Variants in BAZ2B observed in about 807,000 individuals in gnomAD.
BAZ2B encodes the protein bromodomain adjacent to zinc finger domain protein 2B.
In BAZ2B, 91 loss-of-function variants were observed where a neutral mutation model predicts 246.0. The observed-to-expected ratio is 0.37, with a 90% CI of 0.31 to 0.44. The LOEUF (loss-of-function observed/expected upper bound fraction) is 0.44. Among genes scored for constraint, BAZ2B ranks in the 20% least tolerant of loss-of-function variants. The pLI is 1.00. For missense variants in BAZ2B, 2,332 were observed against 2,533.7 expected (o/e 0.92, Z 1.71); for synonymous variants, 855 against 860.0 (o/e 0.99, Z 0.10).
At chr2:159,566,321 A>T (rs1037822138) in intron 1 of BAZ2B, among the ~76,000 whole-genome samples, 1 of 152,136 alleles carries the variant, frequency 6.6e-6, no homozygotes, top group East Asian at 1.9e-4. Context: ...ATGTTGACAT[A>T]TCTTATGATG....
At chr2:159,591,397 G>A (rs1689358035) in intron 1 of BAZ2B, among the ~76,000 whole-genome samples, 2 of 152,148 alleles carry the variant, frequency 1.3e-5, no homozygotes, top group African/African-American at 4.8e-5. Context: ...CAGTTGCTGG[G>A]TTTCTTGCCA....
Position 159,348,847 on chromosome 2 carries a change from A to C in BAZ2B, c.5138-14T>G, listed in dbSNP as rs2058256538. 6.3e-7 allele frequency: 1 copy of C among 1,581,718 alleles called. No individual in the cohort carries two copies. On this transcript the variant is annotated splice_polypyrimidine_tract_variant and intron_variant, in intron 29 of 36. Coordinates refer to ENST00000392783, the MANE Select transcript of BAZ2B (RefSeq NM_013450.4). ...CAAACTGCATTTCTAAGTCAAGATA[A>C]ATAAGTAGAACTTTTACAAATATTT...
chr2:159,338,310 G>T (rs1350094649), intron 31 of BAZ2B, among the ~76,000 whole-genome samples: 2 of 152,166 alleles, frequency 1.3e-5, no homozygotes, highest in African/African-American at 4.8e-5. Flanking sequence ...AAAGGATCCT[G>T]ATAGGAATCC....
intron 2 of BAZ2B, among the ~76,000 whole-genome samples, chr2:159,552,400 C>A (rs952875412): frequency 1.3e-5 from 2 of 152,036 alleles, no homozygotes; most frequent in Admixed American, 1.3e-4. Context: ...AGATTTCACG[C>A]CCATTGGTGT....
intron 2 of BAZ2B, among the ~76,000 whole-genome samples, chr2:159,545,211 A>G (rs1254894436): frequency 6.6e-6 from 1 of 152,064 alleles, no homozygotes; most frequent in Non-Finnish European, 1.5e-5. Context: ...CTGCCTCTCC[A>G]CTTCCCTGAT....
At chr2:159,598,572 G>A (rs1183263718) in intron 1 of BAZ2B, among the ~76,000 whole-genome samples, 1 of 152,100 alleles carries the variant, frequency 6.6e-6, no homozygotes, top group Non-Finnish European at 1.5e-5. Context: ...AATTACAGAC[G>A]GGTGTGGTGG....
chr2:159,577,156 G>A (rs186747859), intron 1 of BAZ2B, among the ~76,000 whole-genome samples: 9 of 151,674 alleles, frequency 5.9e-5, no homozygotes, highest in East Asian at 1.9e-4. Flanking sequence ...TGAGCCCAGG[G>A]GGTCAAGGCT....
chr2:159,559,379 G>A (rs552339323), intron 1 of BAZ2B, among the ~76,000 whole-genome samples: 1 of 152,304 alleles, frequency 6.6e-6, no homozygotes, highest in South Asian at 2.1e-4. Flanking sequence ...GATGGTAACA[G>A]AGTCAATACA....
chr2:159,704,972 G>A, the BAZ2B span, among the ~76,000 whole-genome samples: 1 of 151,458 alleles, frequency 6.6e-6, no homozygotes, highest in Non-Finnish European at 1.5e-5. Flanking sequence ...AAAGTGATGG[G>A]ATTACGAGCC....
At chr2:159,579,378 G>A (rs1465605334) in intron 1 of BAZ2B, among the ~76,000 whole-genome samples, 2 of 152,154 alleles carry the variant, frequency 1.3e-5, no homozygotes, top group East Asian at 3.8e-4. Flanking sequence ...AAACCAGGAA[G>A]AAGTTGAATC....
At chr2:159,562,401 G>T (rs1039951008) in intron 1 of BAZ2B, among the ~76,000 whole-genome samples, 1 of 152,140 alleles carries the variant, frequency 6.6e-6, no homozygotes, top group Non-Finnish European at 1.5e-5. Flanking sequence ...CACATAAGCT[G>T]CCTGTTTTTC....
At chr2:159,528,277 T>A (rs2084967368) in intron 2 of BAZ2B, among the ~76,000 whole-genome samples, 1 of 152,052 alleles carries the variant, frequency 6.6e-6, no homozygotes, top group Admixed American at 6.6e-5. Context: ...AGGTGAGACA[T>A]GATGCAAATC....
At chr2:159,413,663 G>A (rs1420107139) in intron 13 of BAZ2B, among the ~76,000 whole-genome samples, 3 of 152,030 alleles carry the variant, frequency 2.0e-5, no homozygotes, top group Non-Finnish European at 4.4e-5. Context: ...AGCCGAGATC[G>A]CACCATTGCA....
intron 34 of BAZ2B, among the ~76,000 whole-genome samples, chr2:159,331,019 G>T (rs2064655452): frequency 6.6e-6 from 1 of 152,164 alleles, no homozygotes; most frequent in South Asian, 2.1e-4. Context: ...AGATGGGAGA[G>T]ATAGCAGCAC....
intron 2 of BAZ2B, among the ~76,000 whole-genome samples, chr2:159,521,883 C>T (rs2084173319): frequency 6.6e-6 from 1 of 151,820 alleles, no homozygotes; most frequent in African/African-American, 2.4e-5. Flanking sequence ...TATGTGAAAA[C>T]TTTAATTGCA....
At chr2:159,394,328 G>A (rs1398620601) in intron 20 of BAZ2B, among the ~76,000 whole-genome samples, 2 of 151,974 alleles carry the variant, frequency 1.3e-5, no homozygotes, top group Non-Finnish European at 2.9e-5. Flanking sequence ...TTCCATAAGC[G>A]AATAGAGAGC....
chr2:159,349,847 T>C lies in BAZ2B; in HGVS notation c.4724A>G (p.His1575Arg). The C allele has an allele frequency of 6.2e-7, 1 of 1,614,170 alleles. No individual in the cohort carries two copies. The highest frequency in any genetic ancestry group is 2.2e-5 in the East Asian group (1 of 44,894). The change falls in exon 28 of 37, where the codon CAT becomes CGT. Residue 1575 changes from histidine (H) to arginine (R), a missense_variant. His to Arg is a conservative substitution (Grantham distance 29). This residue lies in a region of BAZ2B where 676 missense variants were observed against 668.6 expected (regional missense o/e 1.01). Transcript: ENST00000392783. ...CAAAGAAGCAGTTGACATATCGGCA[T>C]GAGTAAGTGAAGTGTCATCACAGGG... Reference protein sequence around the residue: ...RTPCDDTSLTHADMSTASLVT... With the variant: ...RTPCDDTSLTRADMSTASLVT...
At position 159,427,976 on chromosome 2, in the gene BAZ2B, C is replaced by T; in HGVS notation, c.2431G>A (p.Val811Met). ...DNFSFSAKIR[V>M]GDFYEARDGP... The stretch of plus-strand genomic sequence containing the variant: ...TCTCTGGCTTCATAGAAGTCACCCA[C>T]TCTTATTTTTGCACTGAAGCTGAAA... The change falls in exon 13 of 37, where the codon GTG becomes ATG. Residue 811 changes from valine to methionine, a missense_variant. Around this residue, in one of 9 missense-constraint regions of BAZ2B, gnomAD observed 651 missense variants for 650.9 expected, o/e 1.00. Transcript: ENST00000392783. 1 of 1,613,498 alleles carries T rather than the reference C, an allele frequency of 6.2e-7. No individual in the cohort carries two copies. The highest frequency in any genetic ancestry group is 8.5e-7 in the Non-Finnish European group (1 of 1,179,526).
At chr2:159,356,416 G>A (rs1039162171) in intron 27 of BAZ2B, among the ~76,000 whole-genome samples, 3 of 152,210 alleles carry the variant, frequency 2.0e-5, no homozygotes, top group South Asian at 2.1e-4. Flanking sequence ...CAGCAAAGCC[G>A]CTGTAGCCAG....
Sources: gnomAD v4.1 joint callset for allele counts (sites outside exome capture counted in the v4.1 genomes callset) on GRCh38, gnomAD v4.1.1 for gene constraint, gnomAD v4.1.1 regional missense constraint, MANE v1.5 for transcripts, NCBI Gene and HGNC (gene_info 2026-07-23, HGNC 2026-07-21) for gene names.